The following NFIB variants were observed in gnomAD, a reference collection of about 807,000 sequenced individuals.
NFIB encodes the protein nuclear factor I B, also known as nuclear factor 1 B-type.
In NFIB, 11 loss-of-function variants were observed where a neutral mutation model predicts 61.5. The observed-to-expected ratio is 0.18, with a 90% confidence interval of 0.11 to 0.30. NFIB has a LOEUF of 0.30. Among genes scored for constraint, NFIB ranks in the 10% least tolerant of loss-of-function variants. The pLI is 1.00. For missense variants in NFIB, 471 were observed against 608.9 expected (o/e 0.77, Z 2.38); for synonymous variants, 260 against 216.5 (o/e 1.20, Z -1.76).
intron 10 of NFIB, among the ~76,000 whole-genome samples, chr9:14,107,947 C>T (rs2036809656): frequency 6.6e-6 from 1 of 152,076 alleles, no homozygotes; most frequent in African/African-American, 2.4e-5. Flanking sequence ...ATTAGAACAG[C>T]TTATCTGGAT....
chr9:14,135,257 A>G (rs2130986760), intron 6 of NFIB, among the ~76,000 whole-genome samples: 1 of 152,328 alleles, frequency 6.6e-6, no homozygotes, highest in Non-Finnish European at 1.5e-5. Context: ...GCTCCACAGA[A>G]TACTATAAAT....
intron 2 of NFIB, among the ~76,000 whole-genome samples, chr9:14,294,798 T>G (rs919360766): frequency 1.3e-5 from 2 of 152,182 alleles, no homozygotes; most frequent in Non-Finnish European, 2.9e-5. Flanking sequence ...ATATGATGCC[T>G]TTTTACCCTA....
At chr9:14,205,322 GGAAATGATGGA>G (rs2049563983) in intron 2 of NFIB, among the ~76,000 whole-genome samples, 1 of 137,816 alleles carries the variant, frequency 7.3e-6, no homozygotes, top group Non-Finnish European at 1.6e-5. Flanking sequence ...GTGGGAGGGA[GGAAATGATGGA>G]GACACTGCAT....
At chr9:14,146,271 G>C (rs1299672395) in intron 6 of NFIB, among the ~76,000 whole-genome samples, 1 of 152,062 alleles carries the variant, frequency 6.6e-6, no homozygotes, top group Admixed American at 6.6e-5. Context: ...AGGAATTGCA[G>C]GTTCCTTTAA....
At chr9:14,230,325 T>C (rs1165009747) in intron 2 of NFIB, among the ~76,000 whole-genome samples, 1 of 152,228 alleles carries the variant, frequency 6.6e-6, no homozygotes, top group African/African-American at 2.4e-5. Context: ...AAGGCAGAAC[T>C]TGTCCAAGCT....
rs370849117 is a variant in NFIB, at chr9:14,084,449, C to T, written c.*3860G>A. On this transcript the variant is annotated 3_prime_UTR_variant, in exon 11 of 11. Transcript: ENST00000380953. ...TGGAGCTGCCCACCCGAACATTACC[C>T]GATAACTATATTGCTATAATTAAGA... 1.2e-4 allele frequency: 26 copies of T among 224,924 alleles called. 1 individual carries two copies. In the South Asian group the frequency reaches 3.9e-3, roughly 33 times the overall value. The allele number at this position is 224,924 out of a possible 1,614,324, so 13.9% of individuals were successfully genotyped here.
chr9:14,393,107 C>G (rs1036930456), intron 1 of NFIB, among the ~76,000 whole-genome samples: 1 of 152,152 alleles, frequency 6.6e-6, no homozygotes, highest in Non-Finnish European at 1.5e-5. Context: ...TATTATGCCT[C>G]TGGATTATTA....
intron 1 of NFIB, among the ~76,000 whole-genome samples, chr9:14,376,321 G>C (rs1055711875): frequency 3.9e-5 from 6 of 152,114 alleles, no homozygotes; most frequent in African/African-American, 1.4e-4. Context: ...TTTTAAAAAA[G>C]TTAACATTTT....
intron 1 of NFIB, among the ~76,000 whole-genome samples, chr9:14,384,456 C>G: frequency 6.6e-6 from 1 of 152,190 alleles, no homozygotes. Flanking sequence ...AACCCCTTTG[C>G]CTTCAAAGCC....
chr9:14,321,061 C>T (rs1361833833), intron 1 of NFIB, among the ~76,000 whole-genome samples: 3 of 152,148 alleles, frequency 2.0e-5, no homozygotes, highest in Non-Finnish European at 2.9e-5. Flanking sequence ...CACGCCACTT[C>T]AGCATCTTGT....
chr9:14,233,185 G>A lies in NFIB; in HGVS notation c.563-53405C>T, dbSNP rs79603924. Among the ~76,000 whole-genome samples, 1,512 of 152,262 alleles carry A rather than the reference G, an allele frequency of 9.9e-3. 23 individuals carry two copies. Among genetic ancestry groups the A allele is most frequent in the African/African-American group, 0.034 (1,409 of 41,546 alleles). On this transcript the variant is annotated intron_variant, in intron 2 of 10. Coordinates refer to ENST00000380953, the MANE Select transcript of NFIB (RefSeq NM_001190737.2). ...TGTAGTTTAGCCATAAAGATAGTAC[G>A]TTGTGTTGAAAATGCAAAATCACAC...
At chr9:14,440,392 AT>A in the NFIB span, among the ~76,000 whole-genome samples, 6 of 152,004 alleles carry the variant, frequency 3.9e-5, no homozygotes, top group Admixed American at 2.0e-4. Flanking sequence ...TAATTGGCCT[AT>A]TTTTTTTATG....
At chr9:14,125,918 G>A (rs2039584658) in intron 6 of NFIB, 152 bp from the exon 7 acceptor site, 1 of 1,023,202 alleles carries the variant, frequency 9.8e-7, no homozygotes, top group African/African-American at 1.6e-5. Flanking sequence ...CGATCCAGCT[G>A]TCTTGGAGCT....
At chr9:14,204,801 G>A (rs558207087) in intron 2 of NFIB, 457 of 498,126 alleles carry the variant, frequency 9.2e-4, no homozygotes, top group Admixed American at 2.2e-3. Flanking sequence ...AATATCAAGG[G>A]GAAGACAAGA....
chr9:14,355,229 C>G (rs1033835964), intron 1 of NFIB, among the ~76,000 whole-genome samples: 1 of 151,978 alleles, frequency 6.6e-6, no homozygotes, highest in African/African-American at 2.4e-5. Flanking sequence ...TGAAGTGGGC[C>G]CTAATCCAGT....
intron 2 of NFIB, among the ~76,000 whole-genome samples, chr9:14,200,158 G>A (rs1465122463): frequency 6.6e-6 from 1 of 152,110 alleles, no homozygotes; most frequent in Non-Finnish European, 1.5e-5. Flanking sequence ...AACTGTTCAT[G>A]CCTTCTTCAA....
intron 10 of NFIB, among the ~76,000 whole-genome samples, chr9:14,099,950 T>G: frequency 6.6e-6 from 1 of 152,112 alleles, no homozygotes. Flanking sequence ...TGCACGCCTG[T>G]AATCCCAGCT....
At chr9:14,310,512 C>T (rs1329139305) in intron 1 of NFIB, among the ~76,000 whole-genome samples, 13 of 152,036 alleles carry the variant, frequency 8.6e-5, no homozygotes, top group Admixed American at 7.9e-4. Context: ...TTATGAGTGA[C>T]ATGAATATGG....
intron 2 of NFIB, among the ~76,000 whole-genome samples, chr9:14,209,437 C>G (rs902577540): frequency 6.6e-6 from 1 of 152,148 alleles, no homozygotes; most frequent in Non-Finnish European, 1.5e-5. Flanking sequence ...AGATGAATAA[C>G]CAATAAAATC....
Sources: allele counts gnomAD v4.1 joint callset (sites outside exome capture counted in the v4.1 genomes callset), GRCh38; gene constraint gnomAD v4.1.1; transcripts MANE v1.5; gene names NCBI Gene and HGNC (gene_info 2026-07-23, HGNC 2026-07-21).